The following CHEK2 variants were observed in gnomAD, a reference collection of about 807,000 sequenced individuals.
CHEK2 encodes serine/threonine-protein kinase Chk2.
CHEK2 carries 71 observed loss-of-function variants against 69.1 expected under a neutral mutation model. The observed-to-expected ratio is 1.03, with a 90% CI of 0.85 to 1.25. The LOEUF is 1.25. CHEK2 is among the 50% of genes most tolerant of loss of function. The pLI, the probability that CHEK2 is intolerant of heterozygous loss-of-function variation, is 0.00. For synonymous variants in CHEK2, 189 were observed against 226.9 expected, an observed-to-expected ratio of 0.83 and a Z score of 1.50; for missense variants, 664 against 649.6, an observed-to-expected ratio of 1.02 and a Z score of -0.24.
rs58027072 is a variant in CHEK2, at chr22:28,708,201, T to C, written c.846+1805A>G. Among the ~76,000 whole-genome samples the C allele has an allele frequency of 6.8e-3, 1,036 of 152,006 alleles. 13 individuals carry two copies. Among genetic ancestry groups the C allele is most frequent in the African/African-American group, 0.024 (996 of 41,486 alleles). ...CCACCCCAGAAAATTGGAGGGCTCC[T>C]CTCTCCCAGCAGGGTATGGTGTGGC... On this transcript the variant is annotated intron_variant, in intron 7 of 14. Transcript: ENST00000404276.
chr22:28,698,768 C>G (rs17885685), intron 9 of CHEK2, among the ~76,000 whole-genome samples: 205 of 152,272 alleles, frequency 1.3e-3, no homozygotes, highest in African/African-American at 4.7e-3. Context: ...GCATTCCCTG[C>G]CGGCCCGCCC....
At chr22:28,739,153 C>T (rs2054492463) in intron 1 of CHEK2, among the ~76,000 whole-genome samples, 1 of 151,850 alleles carries the variant, frequency 6.6e-6, no homozygotes, top group African/African-American at 2.4e-5. Flanking sequence ...GCCTGTAATC[C>T]CAGCTACTTG....
intron 9 of CHEK2, among the ~76,000 whole-genome samples, chr22:28,698,402 AT>A (rs1427365957): frequency 1.3e-5 from 2 of 152,098 alleles, no homozygotes; most frequent in African/African-American, 2.4e-5. Flanking sequence ...CTCAAAAAAA[AT>A]AAACAAATAA....
chr22:28,728,131 A>G (rs1269358234), intron 2 of CHEK2: 1 of 152,234 alleles, frequency 6.6e-6, no homozygotes, highest in African/African-American at 2.4e-5. Flanking sequence ...CTCTAGAAAG[A>G]AAAAGAAAAT....
intron 12 of CHEK2, among the ~76,000 whole-genome samples, chr22:28,694,741 T>G (rs2052495920): frequency 6.6e-6 from 1 of 152,228 alleles, no homozygotes; most frequent in Admixed American, 6.5e-5. Flanking sequence ...CATGCTTGCT[T>G]ACTCAAAGGA....
Position 28,699,451 on chromosome 22 carries a change from C to T in CHEK2, c.1008+387G>A, listed in dbSNP as rs187164220. Among the ~76,000 whole-genome samples the T allele has an allele frequency of 3.3e-3, 482 of 148,108 alleles. 2 individuals are homozygous for T. Among genetic ancestry groups the T allele is most frequent in the Non-Finnish European group, 5.5e-3 (369 of 67,326 alleles). Reference sequence around the variant, plus strand: ...CATGATCTCAGCACACTGCAACCTCCACCTCCCAGTTCAAGTGATTCTCCT... The same window carrying T: ...CATGATCTCAGCACACTGCAACCTCTACCTCCCAGTTCAAGTGATTCTCCT... On this transcript the variant is annotated intron_variant, in intron 9 of 14. Transcript: ENST00000404276.
intron 1 of CHEK2, among the ~76,000 whole-genome samples, chr22:28,736,043 T>C (rs2054393008): frequency 6.6e-6 from 1 of 152,096 alleles, no homozygotes; most frequent in Admixed American, 6.6e-5. Context: ...ATAATAACAA[T>C]AATCTTTGTG....
intron 8 of CHEK2, among the ~76,000 whole-genome samples, chr22:28,701,324 G>A (rs185654342): frequency 1.8e-4 from 28 of 152,092 alleles, no homozygotes; most frequent in Admixed American, 1.1e-3. Flanking sequence ...GATTCTCCAC[G>A]CCTCAGCCAC....
At chr22:28,740,954 G>A (rs949945621) in intron 1 of CHEK2, among the ~76,000 whole-genome samples, 1 of 151,950 alleles carries the variant, frequency 6.6e-6, no homozygotes, top group Non-Finnish European at 1.5e-5. Flanking sequence ...TCAGGAGTTC[G>A]GGATCAGCCT....
In CHEK2 at chr22:28,711,994, A is replaced by G. The variant is rs587782471; in HGVS notation, c.707T>C (p.Leu236Pro). Residue 236 changes from leucine (L) to proline (P), a missense_variant, in exon 6 of 15, where the codon CTG (leucine) becomes CCG (proline). Coordinates refer to ENST00000404276, the MANE Select transcript of CHEK2 (RefSeq NM_007194.4). ...LGSGACGEVK[L>P]AFERKTCKKV... ...CTTACATGTTTTCCTCTCGAAAGCC[A>G]GCTTTACCTCTCCACAGGCACCACT... 6.4e-5 allele frequency: 104 copies of G among 1,613,826 alleles called. No homozygotes were observed. In the Admixed American group the frequency reaches 1.7e-3, roughly 27 times the overall value.
intron 1 of CHEK2, among the ~76,000 whole-genome samples, chr22:28,741,095 A>G (rs1465945344): frequency 6.8e-6 from 1 of 146,272 alleles, no homozygotes; most frequent in Non-Finnish European, 1.5e-5. Flanking sequence ...AGTTGCAGTG[A>G]GCCCAGATCG....
chr22:28,719,380 A>T lies in CHEK2; in HGVS notation c.683+15T>A, dbSNP rs1569149564. On this transcript the variant is annotated intron_variant, in intron 5 of 14. Transcript: ENST00000404276. The stretch of plus-strand genomic sequence containing the variant: ...GTGAAAAAATTAAGTGCATTTATAT[A>T]AGAAAATAATTTACCTTCCAAGAGT... The T allele has an allele frequency of 6.9e-7, 1 of 1,458,524 alleles. No homozygotes were observed. 90.3% of individuals were successfully genotyped at this position (1,458,524 alleles called of 1,614,324 possible).
At chr22:28,716,725 G>A (rs2053600756) in intron 5 of CHEK2, among the ~76,000 whole-genome samples, 1 of 152,172 alleles carries the variant, frequency 6.6e-6, no homozygotes, top group South Asian at 2.1e-4. Context: ...GAGACAGGAA[G>A]GGGGATGAAG....
In CHEK2 at chr22:28,724,990, T is replaced by C. The variant is rs1569157233; in HGVS notation, c.579A>G (p.Leu193=). The part of the protein sequence containing the change: ...LNNNSEIALS[L]SRNKVFVFFD... ...TAATAATATTACCTTTATTTCTGCT[T>C]AGTGACAGTGCAATTTCAGAATTGT... Residue 193 remains leucine (L), a synonymous_variant, in exon 4 of 15, where the codon CTA becomes CTG. Coordinates refer to ENST00000404276, the MANE Select transcript of CHEK2 (RefSeq NM_007194.4). 6.2e-7 allele frequency: 1 copy of C among 1,614,126 alleles called. No homozygotes were observed. Among genetic ancestry groups the C allele is most frequent in the Non-Finnish European group, 8.5e-7 (1 of 1,179,994 alleles).
At chr22:28,719,531 AGAG>A in intron 4 of CHEK2, 46 bp from the exon 5 acceptor site, 1 of 1,092,452 alleles carries the variant, frequency 9.2e-7, no homozygotes, top group Non-Finnish European at 1.4e-6. Context: ...TTTATTCACA[AGAG>A]GCGATCACTG....
At chr22:28,728,443 T>C (rs1012435053) in intron 2 of CHEK2, among the ~76,000 whole-genome samples, 10 of 152,000 alleles carry the variant, frequency 6.6e-5, no homozygotes, top group Non-Finnish European at 1.0e-4. Flanking sequence ...ATGATAATCC[T>C]AGCACATTGG....
chr22:28,706,361 T>C (rs1470928764), intron 7 of CHEK2, among the ~76,000 whole-genome samples: 1 of 151,842 alleles, frequency 6.6e-6, no homozygotes, highest in Non-Finnish European at 1.5e-5. Context: ...TTCAAGGTAA[T>C]GGCATTACCT....
At chr22:28,698,790 C>G (rs1329937327) in intron 9 of CHEK2, among the ~76,000 whole-genome samples, 1 of 152,114 alleles carries the variant, frequency 6.6e-6, no homozygotes, top group Non-Finnish European at 1.5e-5. Context: ...CTGCAGCGAA[C>G]AGGATGCTGC....
chr22:28,732,459 A>T (rs2054249281), intron 2 of CHEK2, among the ~76,000 whole-genome samples: 1 of 151,812 alleles, frequency 6.6e-6, no homozygotes, highest in Admixed American at 6.6e-5. Flanking sequence ...GTTGGCCAGG[A>T]TGGCCTCAAA....
Sources: allele counts gnomAD v4.1 joint callset (sites outside exome capture counted in the v4.1 genomes callset), GRCh38; gene constraint gnomAD v4.1.1; transcripts MANE v1.5; gene names NCBI Gene and HGNC (gene_info 2026-07-23, HGNC 2026-07-21).